Variants in GRIN2B observed in about 807,000 individuals in gnomAD.
GRIN2B encodes glutamate receptor ionotropic, NMDA 2B.
Under a neutral mutation model 114.5 loss-of-function variants are expected in GRIN2B, and 5 were observed. The observed-to-expected ratio is 0.04, with a 90% CI of 0.02 to 0.09. The LOEUF (loss-of-function observed/expected upper bound fraction) is 0.09, where lower values mean the gene tolerates loss of function less well. Among genes scored for constraint, GRIN2B ranks in the 10% least tolerant of loss-of-function variants. GRIN2B has a pLI of 1.00. For synonymous variants in GRIN2B, 787 were observed against 745.1 expected (o/e 1.06, Z -0.92); for missense variants, 1,108 against 1,943.5 (o/e 0.57, Z 8.08).
At chr12:13,590,276 G>C (rs902201331) in intron 10 of GRIN2B, among the ~76,000 whole-genome samples, 1 of 151,942 alleles carries the variant, frequency 6.6e-6, no homozygotes, top group Non-Finnish European at 1.5e-5. Flanking sequence ...GAACGTGCAG[G>C]TTTGTTACAT....
At chr12:13,970,298 AAAG>A (rs1228641123) in intron 2 of GRIN2B, among the ~76,000 whole-genome samples, 2 of 152,236 alleles carry the variant, frequency 1.3e-5, no homozygotes, top group African/African-American at 4.8e-5. Flanking sequence ...AAGGAAGCTC[AAAG>A]AACTGAGGCA....
intron 3 of GRIN2B, among the ~76,000 whole-genome samples, chr12:13,817,795 A>G (rs958159368): frequency 3.9e-5 from 6 of 152,194 alleles, no homozygotes; most frequent in African/African-American, 1.4e-4. Flanking sequence ...TTCTGGGTCA[A>G]ACAACTAAAA....
At position 13,598,738 on chromosome 12, in the gene GRIN2B, C is replaced by T. The variant is rs778365016; in HGVS notation, c.2010+9865G>A. 7.4e-4 allele frequency among the ~76,000 whole-genome samples: 112 copies of T among 152,226 alleles called. 1 individual carries two copies. Among genetic ancestry groups the T allele is most frequent in the Non-Finnish European group, 1.4e-3 (93 of 68,016 alleles). On this transcript the variant is annotated intron_variant, in intron 10 of 13. Coordinates refer to ENST00000609686, the MANE Select transcript of GRIN2B (RefSeq NM_000834.5). ...CAGGTGGGAGCTTTTGGCACCTGTA[C>T]TTTTATTTCCAGCTGGTTGGAGAGA...
chr12:13,885,033 T>C (rs1282877273), intron 2 of GRIN2B, among the ~76,000 whole-genome samples: 2 of 152,062 alleles, frequency 1.3e-5, no homozygotes, highest in Non-Finnish European at 2.9e-5. Flanking sequence ...GTTATAGCTA[T>C]TCGTGTAGAA....
chr12:13,760,642 C>T (rs1295196261), intron 3 of GRIN2B, among the ~76,000 whole-genome samples: 3 of 152,226 alleles, frequency 2.0e-5, no homozygotes, highest in African/African-American at 7.2e-5. Flanking sequence ...TAGGCTTTCC[C>T]TGAGACTTTC....
In GRIN2B at chr12:13,538,447, A is replaced by G. The variant is rs1378393383; in HGVS notation, c.*24336T>C. On this transcript the variant is annotated 3_prime_UTR_variant, in exon 14 of 14. Transcript: ENST00000609686. ...TTTTATTGAAGGTGTTGTGATCATG[A>G]TCAAAGCTTTCATGATATCCTACTG... is the stretch of plus-strand genomic sequence containing the variant. The G allele has an allele frequency of 6.6e-6, 1 of 152,198 alleles. No individual in the cohort carries two copies. Among genetic ancestry groups the G allele is most frequent in the East Asian group, 1.9e-4 (1 of 5,202 alleles). 9.4% of individuals were successfully genotyped at this position (152,198 alleles called of 1,614,324 possible).
At chr12:13,624,977 G>C (rs1949552797) in intron 5 of GRIN2B, among the ~76,000 whole-genome samples, 1 of 152,188 alleles carries the variant, frequency 6.6e-6, no homozygotes, top group African/African-American at 2.4e-5. Context: ...AGAAGTTGTT[G>C]ATTCTCTCAG....
intron 4 of GRIN2B, among the ~76,000 whole-genome samples, chr12:13,713,248 T>TAGAG (rs2136583652): frequency 6.6e-6 from 1 of 152,008 alleles, no homozygotes; most frequent in East Asian, 1.9e-4. Context: ...CTTGATGCTC[T>TAGAG]CCTTTTATGC....
chr12:13,951,893 A>G (rs2136849284), intron 2 of GRIN2B, among the ~76,000 whole-genome samples: 1 of 152,326 alleles, frequency 6.6e-6, no homozygotes, highest in East Asian at 1.9e-4. Context: ...GTAATAAGAA[A>G]GAGAAGAGGG....
chr12:13,879,871 A>T (rs1481882008), intron 2 of GRIN2B, among the ~76,000 whole-genome samples: 1 of 152,256 alleles, frequency 6.6e-6, no homozygotes, highest in Non-Finnish European at 1.5e-5. Context: ...TACAATCAGG[A>T]TGTCTGCAAC....
intron 10 of GRIN2B, among the ~76,000 whole-genome samples, chr12:13,582,540 TGGCAAA>T (rs1948866943): frequency 6.6e-6 from 1 of 152,194 alleles, no homozygotes; most frequent in Non-Finnish European, 1.5e-5. Flanking sequence ...TTGCCTACAG[TGGCAAA>T]CACCCTTAAG....
At chr12:13,583,251 A>G (rs1204112501) in intron 10 of GRIN2B, among the ~76,000 whole-genome samples, 3 of 152,206 alleles carry the variant, frequency 2.0e-5, no homozygotes, top group Admixed American at 2.0e-4. Flanking sequence ...TGATGATGAT[A>G]ATTATATAAT....
intron 4 of GRIN2B, among the ~76,000 whole-genome samples, chr12:13,748,075 T>A (rs959161843): frequency 6.6e-6 from 1 of 152,124 alleles, no homozygotes; most frequent in African/African-American, 2.4e-5. Context: ...CTCTTCCCCA[T>A]CCCTCAAAGG....
intron 2 of GRIN2B, among the ~76,000 whole-genome samples, chr12:13,967,643 G>T (rs1004735293): frequency 1.3e-5 from 2 of 152,236 alleles, no homozygotes; most frequent in Non-Finnish European, 2.9e-5. Flanking sequence ...ACCAGGACAT[G>T]AGGGTGGATG....
At chr12:13,598,399 C>T (rs183715308) in intron 10 of GRIN2B, among the ~76,000 whole-genome samples, 1 of 152,186 alleles carries the variant, frequency 6.6e-6, no homozygotes, top group Non-Finnish European at 1.5e-5. Flanking sequence ...TCTTGAGAAA[C>T]AGATCTATCT....
intron 4 of GRIN2B, among the ~76,000 whole-genome samples, chr12:13,712,558 C>T (rs2136582606): frequency 6.6e-6 from 1 of 151,792 alleles, no homozygotes; most frequent in South Asian, 2.1e-4. Context: ...TAAAAATGTT[C>T]CATATACTGA....
intron 2 of GRIN2B, among the ~76,000 whole-genome samples, chr12:13,978,843 AAG>A (rs1285258440): frequency 1.3e-5 from 2 of 152,198 alleles, no homozygotes; most frequent in African/African-American, 4.8e-5. Context: ...TGACTAGCTG[AAG>A]AGTCATTAGC....
At chr12:13,900,801 C>T (rs563974874) in intron 2 of GRIN2B, among the ~76,000 whole-genome samples, 42 of 152,216 alleles carry the variant, frequency 2.8e-4, no homozygotes, top group African/African-American at 9.6e-4. Context: ...ATTATTTCCC[C>T]TCTTGCTTCT....
At chr12:13,888,536 C>T (rs1866204065) in intron 2 of GRIN2B, among the ~76,000 whole-genome samples, 1 of 151,586 alleles carries the variant, frequency 6.6e-6, no homozygotes, top group Non-Finnish European at 1.5e-5. Context: ...GAGTTCAAGA[C>T]CAGCCTGGCC....
Sources: allele counts gnomAD v4.1 joint callset (sites outside exome capture counted in the v4.1 genomes callset), GRCh38; gene constraint gnomAD v4.1.1; transcripts MANE v1.5; gene names NCBI Gene and HGNC (gene_info 2026-07-23, HGNC 2026-07-21).